ARAP3: variants seen among roughly 807,000 people sequenced by gnomAD.
ARAP3 encodes arf-GAP with Rho-GAP domain, ANK repeat and PH domain-containing protein 3.
Under a neutral mutation model 169.2 loss-of-function variants are expected in ARAP3, and 82 were observed. That is an observed-to-expected ratio of 0.48 (90% CI 0.41 to 0.58). The LOEUF (loss-of-function observed/expected upper bound fraction) is 0.58, where lower values mean the gene tolerates loss of function less well. ARAP3 is among the 20% of genes least tolerant of loss of function. The pLI is 0.00. For missense variants in ARAP3, 1,764 were observed against 2,018.0 expected, an observed-to-expected ratio of 0.87 and a Z score of 2.41; for synonymous variants, 791 against 800.3, an observed-to-expected ratio of 0.99 and a Z score of 0.20.
intron 19 of ARAP3, 46 bp downstream of exon 19, chr5:141,664,876 C>G: frequency 2.8e-6 from 1 of 361,394 alleles, no homozygotes; most frequent in Non-Finnish European, 5.6e-6. Flanking sequence ...CTCATCACCC[C>G]CACCCCCCAC....
intron 4 of ARAP3, among the ~76,000 whole-genome samples, chr5:141,677,941 C>T (rs1183699216): frequency 2.1e-5 from 3 of 145,166 alleles, no homozygotes; most frequent in Non-Finnish European, 4.5e-5. Context: ...TGCGCCACCA[C>T]CCCCAGCTAT....
intron 3 of ARAP3, 42 bp from the exon 4 acceptor site, chr5:141,679,698 C>T: frequency 6.2e-7 from 1 of 1,613,856 alleles, no homozygotes; most frequent in Non-Finnish European, 8.5e-7. Flanking sequence ...GAGGAGATCG[C>T]TGGGAGTGTA....
chr5:141,669,291 T>G (rs2099911122), intron 16 of ARAP3, among the ~76,000 whole-genome samples: 1 of 152,072 alleles, frequency 6.6e-6, no homozygotes, highest in African/African-American at 2.4e-5. Flanking sequence ...GAAGGTAGCT[T>G]TGCCTCCGGG....
rs1318644389 is a variant in ARAP3, at chr5:141,656,193, C to T, written c.3872+1G>A. 2.5e-6 allele frequency: 4 copies of T among 1,614,094 alleles called. No individual in the cohort carries two copies. The highest frequency in any genetic ancestry group is 2.2e-5 in the East Asian group (1 of 44,876). ...AGTGCGGGCTGGGGAAGAAAACTCACGGTGTTGGGGGCTTTAACTTCTTGC... is the reference window on the plus strand; with the variant it reads ...AGTGCGGGCTGGGGAAGAAAACTCATGGTGTTGGGGGCTTTAACTTCTTGC... On this transcript the variant is annotated splice_donor_variant, in intron 28 of 32. Coordinates refer to ENST00000239440, the MANE Select transcript of ARAP3 (RefSeq NM_022481.6). LOFTEE classifies it high-confidence loss of function.
intron 4 of ARAP3, among the ~76,000 whole-genome samples, chr5:141,677,911 A>T (rs1476434835): frequency 6.7e-6 from 1 of 148,270 alleles, no homozygotes; most frequent in African/African-American, 2.5e-5. Flanking sequence ...CAGCCTCCCT[A>T]GTAGCTGGGA....
chr5:141,671,594 GT>G lies in ARAP3; in HGVS notation c.1829del (p.Tyr610SerfsTer21), dbSNP rs2099911452. On this transcript the variant is annotated frameshift_variant, in exon 12 of 33. Coordinates refer to ENST00000239440, the MANE Select transcript of ARAP3 (RefSeq NM_022481.6). LOFTEE classifies it high-confidence loss of function. The surrounding 1 kb of genome is among the most constrained non-coding windows in gnomAD (Gnocchi z 4.9). ...LGLFRKPHPQYPDHSQLLQAL... is the reference protein window; with the variant it reads ...LGLFRKPHPQXPDHSQLLQAL... Reference sequence around the variant, plus strand: ...CCTGGAGAAGCTGGCTATGATCTGGGTACTGAGGGTGGGGCTTCCGGAAGAG... The same window carrying G: ...CCTGGAGAAGCTGGCTATGATCTGGGACTGAGGGTGGGGCTTCCGGAAGAG... The G allele has an allele frequency of 1.9e-6, 3 of 1,614,050 alleles. No individual in the cohort carries two copies. Among genetic ancestry groups the G allele is most frequent in the Non-Finnish European group, 2.5e-6 (3 of 1,179,978 alleles).
At chr5:141,659,336 G>C in intron 23 of ARAP3, 72 bp downstream of exon 23, 2 of 1,442,618 alleles carry the variant, frequency 1.4e-6, no homozygotes, top group South Asian at 1.1e-5. Context: ...TCCTCAACTG[G>C]GCAGAAAGTC....
intron 32 of ARAP3, among the ~76,000 whole-genome samples, 188 bp downstream of exon 32, chr5:141,655,174 T>A (rs2154598636): frequency 3.4e-5 from 3 of 89,044 alleles, no homozygotes; most frequent in South Asian, 3.9e-4. Flanking sequence ...ACACACACCC[T>A]GATGGCCTAC....
In ARAP3 at chr5:141,679,840, T is replaced by C. The variant is rs769653681; in HGVS notation, c.525-18A>G. 1.9e-6 allele frequency: 3 copies of C among 1,611,602 alleles called. No homozygotes were observed. Among genetic ancestry groups the C allele is most frequent in the Non-Finnish European group, 2.5e-6 (3 of 1,179,186 alleles). On this transcript the variant is annotated intron_variant, in intron 2 of 32. Coordinates refer to ENST00000239440, the MANE Select transcript of ARAP3 (RefSeq NM_022481.6). ...CTGGGGCCCTGAAGGGAAAGGTCTA[T>C]TGGTTACTTAAGGAGAGAGGAGGAA...
chr5:141,672,938 G>C lies in ARAP3; in HGVS notation c.1094-13C>G, dbSNP rs371667742. On this transcript the variant is annotated splice_polypyrimidine_tract_variant and intron_variant, in intron 7 of 32. Coordinates refer to ENST00000239440, the MANE Select transcript of ARAP3 (RefSeq NM_022481.6). The surrounding 1 kb of genome is among the most constrained non-coding windows in gnomAD (Gnocchi z 4.9). Reference sequence around the variant, plus strand: ...ATGTCCCGCTGAGCTGGTGGGGATGGAGAAGCAGGTCAGTGGCTGTTGCTC... The same window carrying C: ...ATGTCCCGCTGAGCTGGTGGGGATGCAGAAGCAGGTCAGTGGCTGTTGCTC... 222 of 1,611,990 alleles carry C rather than the reference G, an allele frequency of 1.4e-4. 1 individual carries two copies. In the African/African-American group the frequency reaches 2.6e-3, roughly 19 times the overall value.
In ARAP3 at chr5:141,670,091, C is replaced by T. The variant is rs1226087317; in HGVS notation, c.2108-28G>A. ...AAGGCAGAGGGAGATAGTCAGGGAG[C>T]AGCAGACCTCTGCCCCCACTGTCAT... On this transcript the variant is annotated intron_variant, in intron 14 of 32. Transcript: ENST00000239440. The T allele has an allele frequency of 1.9e-6, 3 of 1,580,416 alleles. No individual in the cohort carries two copies. The African/African-American group carries it at 4.1e-5, about 22-fold the overall frequency.
chr5:141,654,324 T>G lies in ARAP3; in HGVS notation c.4261A>C (p.Thr1421Pro), dbSNP rs765169717. Residue 1421 changes from threonine (T) to proline (P), a missense_variant, in exon 33 of 33, where the codon ACT becomes CCT. Physicochemically the swap from Thr to Pro is conservative, Grantham distance 38. This residue lies in a region of ARAP3 where 1,112 missense variants were observed against 1,285.7 expected (regional missense o/e 0.86). Coordinates refer to ENST00000239440, the MANE Select transcript of ARAP3 (RefSeq NM_022481.6). The part of the protein sequence containing the change: ...VGAFPELIQD[T>P]STSFSTTREW... The stretch of plus-strand genomic sequence containing the variant: ...CGTGTGGTGGAGAAGGAGGTAGAAG[T>G]GTCCTGGATCAACTCAGGGAAGGCC... 8.1e-6 allele frequency: 13 copies of G among 1,613,994 alleles called. No individual in the cohort carries two copies. The highest frequency in any genetic ancestry group is 1.1e-5 in the Non-Finnish European group (13 of 1,180,022).
chr5:141,663,988 C>A (rs1380784868), intron 19 of ARAP3, among the ~76,000 whole-genome samples: 4 of 152,248 alleles, frequency 2.6e-5, no homozygotes. Context: ...ATCTAGGGAT[C>A]TGCCCACCTT....
intron 21 of ARAP3, 23 bp from the exon 22 acceptor site, chr5:141,659,949 T>C: frequency 6.5e-7 from 1 of 1,539,120 alleles, no homozygotes; most frequent in Non-Finnish European, 8.8e-7. Context: ...GCCACGGTCT[T>C]CATCAGTGTA....
chr5:141,661,968 T>A, intron 20 of ARAP3, 75 bp downstream of exon 20: 1 of 1,590,296 alleles, frequency 6.3e-7, no homozygotes, highest in Non-Finnish European at 8.6e-7. Context: ...GGCGGAGGGC[T>A]GCCAAACCAT....
At position 141,671,614 on chromosome 5, in the gene ARAP3, G is replaced by A. The variant is rs2099911454; in HGVS notation, c.1810C>T (p.Arg604Trp). Reference sequence around the variant, plus strand: ...TCTGGGTACTGAGGGTGGGGCTTCCGGAAGAGACCCAGACGGTACTTTCGG... The same window carrying A: ...TCTGGGTACTGAGGGTGGGGCTTCCAGAAGAGACCCAGACGGTACTTTCGG... ...ISRKYRLGLF[R>W]KPHPQYPDHS... The change falls in exon 12 of 33, where the codon CGG becomes TGG. Residue 604 changes from arginine (R) to tryptophan (W), a missense_variant. This residue lies in a region of ARAP3 where 1,112 missense variants were observed against 1,285.7 expected (regional missense o/e 0.86). Coordinates refer to ENST00000239440, the MANE Select transcript of ARAP3 (RefSeq NM_022481.6). The surrounding 1 kb of genome is among the most constrained non-coding windows in gnomAD (Gnocchi z 4.9). 2 of 1,613,974 alleles carry A rather than the reference G, an allele frequency of 1.2e-6. No individual in the cohort carries two copies. Among genetic ancestry groups the A allele is most frequent in the Non-Finnish European group, 1.7e-6 (2 of 1,179,988 alleles).
rs140483390 is a variant in ARAP3 at position 141,661,788 on chromosome 5, C to T, written c.3015G>A (p.Glu1005=). The change falls in exon 21 of 33, where the codon GAG becomes GAA. Residue 1005 remains glutamate (E), a splice_region_variant and synonymous_variant. Coordinates refer to ENST00000239440, the MANE Select transcript of ARAP3 (RefSeq NM_022481.6). The part of the protein sequence containing the change: ...RLLPRWREAA[E]LPQKNQRLEK... ...CCAGGCGCTGATTCTTCTGGGGCAG[C>T]TCTGGGGATGGAATGGAGGAGGGTT... 3.1e-6 allele frequency: 5 copies of T among 1,613,986 alleles called. No individual in the cohort carries two copies. The African/African-American group carries it at 6.7e-5, about 22-fold the overall frequency.
intron 4 of ARAP3, 151 bp from the exon 5 acceptor site, chr5:141,673,959 CTTTTTTTT>C (rs10712701): frequency 2.2e-5 from 8 of 364,816 alleles, no homozygotes; most frequent in Non-Finnish European, 3.6e-5. Context: ...TTCTTTTCTT[CTTTTTTTT>C]TTTTTTTTTT....
intron 23 of ARAP3, among the ~76,000 whole-genome samples, chr5:141,658,923 AC>A (rs1411107633): frequency 6.6e-6 from 1 of 152,178 alleles, no homozygotes; most frequent in Non-Finnish European, 1.5e-5. Context: ...CTACAGGGTG[AC>A]CTTGAATAAA....
Sources: gnomAD v4.1 joint callset for allele counts (sites outside exome capture counted in the v4.1 genomes callset) on GRCh38, gnomAD v4.1.1 for gene constraint, gnomAD v4.1.1 regional missense constraint, Gnocchi (gnomAD v3.1) non-coding constraint, MANE v1.5 for transcripts, NCBI Gene and HGNC (gene_info 2026-07-23, HGNC 2026-07-21) for gene names.